OCIAD1: variants seen among roughly 807,000 people sequenced by gnomAD.
OCIAD1 encodes the protein OCIA domain containing 1, also known as OCIA domain-containing protein 1.
In OCIAD1, 29 loss-of-function variants were observed where a neutral mutation model predicts 38.9. The observed-to-expected ratio is 0.74, with a 90% CI of 0.55 to 1.02. The LOEUF (loss-of-function observed/expected upper bound fraction) is 1.02. OCIAD1 is among the 50% of genes least tolerant of loss of function. The pLI is 0.00. For missense variants in OCIAD1, 288 were observed against 289.6 expected, an observed-to-expected ratio of 0.99 and a Z score of 0.04; for synonymous variants, 110 against 92.0, an observed-to-expected ratio of 1.20 and a Z score of -1.12.
intron 7 of OCIAD1, chr4:48,856,034 G>A (rs1489479583): frequency 6.6e-6 from 1 of 151,740 alleles, no homozygotes; most frequent in Non-Finnish European, 1.5e-5. Flanking sequence ...TATGTGGTAG[G>A]TAAGACTTTG....
At chr4:48,853,131 G>A (rs1169418419) in intron 7 of OCIAD1, among the ~76,000 whole-genome samples, 10 of 151,738 alleles carry the variant, frequency 6.6e-5, no homozygotes, top group African/African-American at 1.7e-4. Context: ...CGCCCGCCTC[G>A]GCCTCCCAAA....
chr4:48,857,442 A>G lies in OCIAD1; in HGVS notation c.700+77A>G, dbSNP rs1006185324. 1.9e-5 allele frequency: 16 copies of G among 840,264 alleles called. No individual in the cohort carries two copies. In the Admixed American group the frequency reaches 4.4e-4, roughly 23 times the overall value. 52.1% of individuals were successfully genotyped at this position (840,264 alleles called of 1,614,324 possible). On this transcript the variant is annotated intron_variant, in intron 8 of 8. Coordinates refer to ENST00000264312, the MANE Select transcript of OCIAD1 (RefSeq NM_017830.4). ...CATTACTTTAAAACAATACTATAAA[A>G]AATTAATTAATATGTGATTTAACTC...
chr4:48,853,681 T>C (rs1401189863), intron 7 of OCIAD1, among the ~76,000 whole-genome samples: 1 of 152,188 alleles, frequency 6.6e-6, no homozygotes, highest in Admixed American at 6.5e-5. Context: ...TAAATGAAAT[T>C]TAAAATTCAA....
At chr4:48,815,309 C>G (rs1553893865) in intron 1 of OCIAD1, among the ~76,000 whole-genome samples, 1 of 151,198 alleles carries the variant, frequency 6.6e-6, no homozygotes. Context: ...GACTCCATCT[C>G]AAAAAAAAGA....
intron 1 of OCIAD1, among the ~76,000 whole-genome samples, chr4:48,822,476 T>C (rs1777203986): frequency 6.6e-6 from 1 of 152,188 alleles, no homozygotes; most frequent in Admixed American, 6.5e-5. Context: ...ATTCAGGACA[T>C]AGGCATGGGC....
chr4:48,813,713 G>T (rs1002859883), intron 1 of OCIAD1, among the ~76,000 whole-genome samples: 5 of 152,208 alleles, frequency 3.3e-5, no homozygotes, highest in African/African-American at 1.2e-4. Flanking sequence ...TAGTTTTGTG[G>T]CCTGCAAACT....
intron 1 of OCIAD1, among the ~76,000 whole-genome samples, chr4:48,824,758 CAG>C (rs1044939541): frequency 2.0e-5 from 3 of 151,886 alleles, no homozygotes; most frequent in African/African-American, 4.8e-5. Context: ...TTGTTTTAGA[CAG>C]AGTCTTGCTC....
At chr4:48,836,115 A>G (rs1777960382) in intron 3 of OCIAD1, among the ~76,000 whole-genome samples, 1 of 152,214 alleles carries the variant, frequency 6.6e-6, no homozygotes, top group Non-Finnish European at 1.5e-5. Context: ...ACAGTGTGCA[A>G]GATGGGTAGA....
At chr4:48,813,150 G>A (rs556298432) in intron 1 of OCIAD1, among the ~76,000 whole-genome samples, 4 of 152,310 alleles carry the variant, frequency 2.6e-5, no homozygotes, top group African/African-American at 4.8e-5. Context: ...GTGGAATTCC[G>A]ATTGCATCTT....
rs778301568 is a variant in OCIAD1, at chr4:48,832,693, A to G, written c.58+11A>G. ...CAAGACCAATTCCCCGTAACTATCT[A>G]TTAAGTATTTATAATTAGAAGCACT... On this transcript the variant is annotated intron_variant, in intron 2 of 8. Transcript: ENST00000264312. 3.1e-6 allele frequency: 5 copies of G among 1,597,710 alleles called. No homozygotes were observed. Among genetic ancestry groups the G allele is most frequent in the East Asian group, 2.2e-5 (1 of 44,792 alleles).
At chr4:48,822,591 A>G (rs1777205307) in intron 1 of OCIAD1, among the ~76,000 whole-genome samples, 1 of 152,248 alleles carries the variant, frequency 6.6e-6, no homozygotes, top group African/African-American at 2.4e-5. Flanking sequence ...GAAAACTATC[A>G]TCAGAGTGAA....
chr4:48,808,313 C>CA (rs891647656), intron 1 of OCIAD1, among the ~76,000 whole-genome samples: 2 of 151,792 alleles, frequency 1.3e-5, no homozygotes, highest in Non-Finnish European at 2.9e-5. Flanking sequence ...ACAAAAAATA[C>CA]AAAAAAATTA....
At chr4:48,812,139 C>T (rs1777094609) in intron 1 of OCIAD1, among the ~76,000 whole-genome samples, 1 of 151,154 alleles carries the variant, frequency 6.6e-6, no homozygotes, top group Non-Finnish European at 1.5e-5. Flanking sequence ...AAAAATTAGC[C>T]AGGCTTGGTG....
intron 6 of OCIAD1, 134 bp from the exon 7 acceptor site, chr4:48,851,672 T>C (rs532580610): frequency 2.2e-6 from 1 of 460,096 alleles, no homozygotes; most frequent in African/African-American, 2.0e-5. Context: ...CAAGACCCTG[T>C]CTCAAAAAAA....
intron 4 of OCIAD1, among the ~76,000 whole-genome samples, chr4:48,847,734 A>G (rs1278859321): frequency 1.3e-5 from 2 of 152,156 alleles, no homozygotes; most frequent in African/African-American, 2.4e-5. Context: ...CAGTTTGCCT[A>G]TTCTTGTACT....
At chr4:48,837,662 T>TA (rs1230160028) in intron 3 of OCIAD1, among the ~76,000 whole-genome samples, 3 of 149,370 alleles carry the variant, frequency 2.0e-5, no homozygotes, top group African/African-American at 7.5e-5. Flanking sequence ...TTTTTTTTTT[T>TA]AAATCTTTGA....
intron 1 of OCIAD1, among the ~76,000 whole-genome samples, chr4:48,814,148 A>G (rs1777119309): frequency 6.6e-6 from 1 of 151,970 alleles, no homozygotes; most frequent in African/African-American, 2.4e-5. Context: ...GATGTGCAAG[A>G]TGGCTCCTGA....
intron 1 of OCIAD1, among the ~76,000 whole-genome samples, chr4:48,813,149 C>T (rs981550060): frequency 3.3e-5 from 5 of 152,100 alleles, no homozygotes; most frequent in Admixed American, 6.6e-5. Flanking sequence ...TGTGGAATTC[C>T]GATTGCATCT....
At chr4:48,849,586 A>T (rs1487483934) in intron 5 of OCIAD1, among the ~76,000 whole-genome samples, 2 of 152,226 alleles carry the variant, frequency 1.3e-5, no homozygotes, top group Non-Finnish European at 2.9e-5. Context: ...CTGTTTATTT[A>T]GAACTAGAAA....
Sources: allele counts gnomAD v4.1 joint callset (sites outside exome capture counted in the v4.1 genomes callset), GRCh38; gene constraint gnomAD v4.1.1; transcripts MANE v1.5; gene names NCBI Gene and HGNC (gene_info 2026-07-23, HGNC 2026-07-21).